FSTL4: variants seen among roughly 807,000 people sequenced by gnomAD.
FSTL4 encodes the protein follistatin-related protein 4.
In FSTL4, 28 loss-of-function variants were observed where a neutral mutation model predicts 78.2. The observed-to-expected ratio is 0.36, with a 90% CI of 0.27 to 0.49. FSTL4 has a LOEUF of 0.49. Among genes scored for constraint, FSTL4 ranks in the 20% least tolerant of loss-of-function variants. The pLI is 0.98. For missense variants in FSTL4, 922 were observed against 1,084.9 expected (o/e 0.85, Z 2.11); for synonymous variants, 422 against 440.5 (o/e 0.96, Z 0.53).
chr5:133,205,544 G>T (rs900174160), intron 14 of FSTL4, among the ~76,000 whole-genome samples: 3 of 152,126 alleles, frequency 2.0e-5, no homozygotes, highest in African/African-American at 7.2e-5. Context: ...AGTCATTCCT[G>T]TAACCAAAAC....
Position 133,220,730 on chromosome 5 carries a change from C to T in FSTL4, c.1458+18G>A, listed in dbSNP as rs1240260911. The T allele has an allele frequency of 2.4e-6, 3 of 1,258,538 alleles. No individual in the cohort carries two copies. In the Admixed American group the frequency reaches 5.0e-5, roughly 21 times the overall value. 78.0% of individuals were successfully genotyped at this position (1,258,538 alleles called of 1,614,324 possible). ...GCCTGTGTATGATGTAGAAGCTGCC[C>T]CAGGCACAGTTACTTACATAGCTCA... is the stretch of plus-strand genomic sequence containing the variant. On this transcript the variant is annotated intron_variant, in intron 12 of 15. Coordinates refer to ENST00000265342, the MANE Select transcript of FSTL4 (RefSeq NM_015082.2).
At chr5:133,455,037 A>G (rs1462481929) in intron 3 of FSTL4, among the ~76,000 whole-genome samples, 1 of 152,244 alleles carries the variant, frequency 6.6e-6, no homozygotes, top group African/African-American at 2.4e-5. Context: ...CCCTCACTCA[A>G]CATGGGTTGG....
intron 4 of FSTL4, 100 bp downstream of exon 4, chr5:133,400,638 A>G: frequency 2.8e-6 from 3 of 1,083,386 alleles, no homozygotes; most frequent in South Asian, 1.5e-5. Context: ...TTTCCTAAAC[A>G]TATGTAACTT....
chr5:133,839,330 G>A, the FSTL4 span, among the ~76,000 whole-genome samples: 3 of 152,212 alleles, frequency 2.0e-5, no homozygotes, highest in South Asian at 4.1e-4. Context: ...GATGAGTACT[G>A]CACAAAGAAT....
chr5:133,527,472 TACACACACAC>T (rs3065527), intron 3 of FSTL4, among the ~76,000 whole-genome samples: 8 of 90,572 alleles, frequency 8.8e-5, no homozygotes, highest in Non-Finnish European at 1.8e-4. Context: ...TGTGCACGTG[TACACACACAC>T]ACACACACAC....
intron 3 of FSTL4, among the ~76,000 whole-genome samples, chr5:133,403,676 G>T (rs1163598310): frequency 6.6e-6 from 1 of 152,210 alleles, no homozygotes; most frequent in Non-Finnish European, 1.5e-5. Context: ...GGAAGTGGAA[G>T]GATGGAGGTA....
the FSTL4 span, among the ~76,000 whole-genome samples, chr5:133,628,631 G>A: frequency 6.6e-6 from 1 of 152,016 alleles, no homozygotes; most frequent in African/African-American, 2.4e-5. Context: ...AAGTGCTGGG[G>A]TTATAGGTGT....
At chr5:133,468,509 C>T (rs367546200) in intron 3 of FSTL4, among the ~76,000 whole-genome samples, 9 of 152,204 alleles carry the variant, frequency 5.9e-5, no homozygotes, top group East Asian at 5.8e-4. Flanking sequence ...AAGGCCGACT[C>T]GAAGTTTCTC....
intron 3 of FSTL4, among the ~76,000 whole-genome samples, chr5:133,412,565 G>T (rs756411512): frequency 6.6e-6 from 1 of 152,016 alleles, no homozygotes. Flanking sequence ...AGACAGAAAA[G>T]AACACTTATC....
chr5:133,238,632 T>C (rs1751732988), intron 7 of FSTL4, among the ~76,000 whole-genome samples: 1 of 152,112 alleles, frequency 6.6e-6, no homozygotes, highest in Non-Finnish European at 1.5e-5. Flanking sequence ...ATGCAGTACA[T>C]GCGAGTGTGC....
the FSTL4 span, among the ~76,000 whole-genome samples, chr5:133,678,597 T>C: frequency 1.3e-5 from 2 of 151,190 alleles, no homozygotes; most frequent in East Asian, 3.9e-4. Context: ...AAATCAAGAG[T>C]CCAGTTTTGG....
chr5:133,564,780 G>A (rs940840224), intron 3 of FSTL4, among the ~76,000 whole-genome samples: 1 of 152,148 alleles, frequency 6.6e-6, no homozygotes, highest in African/African-American at 2.4e-5. Flanking sequence ...GGGGAAGAGG[G>A]GGAAATAGGG....
At chr5:133,215,436 TACTTG>T (rs1327416893) in intron 13 of FSTL4, among the ~76,000 whole-genome samples, 1 of 152,216 alleles carries the variant, frequency 6.6e-6, no homozygotes, top group Non-Finnish European at 1.5e-5. Flanking sequence ...TCTAACTGCT[TACTTG>T]ACTTCTCTAC....
chr5:133,336,652 T>A (rs1454607938), intron 4 of FSTL4, among the ~76,000 whole-genome samples: 1 of 152,152 alleles, frequency 6.6e-6, no homozygotes, highest in Non-Finnish European at 1.5e-5. Flanking sequence ...CCCCACATCT[T>A]CTTCAACACA....
intron 3 of FSTL4, among the ~76,000 whole-genome samples, chr5:133,538,455 CT>C (rs1759397471): frequency 6.6e-6 from 1 of 152,100 alleles, no homozygotes; most frequent in Non-Finnish European, 1.5e-5. Flanking sequence ...TTATATCCAC[CT>C]TTTGTAATTA....
chr5:133,668,260 C>A, the FSTL4 span, among the ~76,000 whole-genome samples: 1 of 152,150 alleles, frequency 6.6e-6, no homozygotes, highest in African/African-American at 2.4e-5. Context: ...GAAGACCACC[C>A]ATCCTGCAGG....
intron 7 of FSTL4, among the ~76,000 whole-genome samples, chr5:133,240,174 C>A (rs752720007): frequency 6.6e-6 from 1 of 152,282 alleles, no homozygotes; most frequent in East Asian, 1.9e-4. Flanking sequence ...AAACTCCAAA[C>A]GCATCCGAGC....
the FSTL4 span, among the ~76,000 whole-genome samples, chr5:133,754,808 A>G: frequency 6.6e-6 from 1 of 152,116 alleles, no homozygotes; most frequent in Non-Finnish European, 1.5e-5. Flanking sequence ...ATTCTGCTCT[A>G]ACTCTAGAGC....
chr5:133,701,509 A>ACACACACACACACACACACACC, the FSTL4 span, among the ~76,000 whole-genome samples: 45 of 132,688 alleles, frequency 3.4e-4, no homozygotes, highest in South Asian at 2.8e-3. Flanking sequence ...ACACACACAC[A>ACACACACACACACACACACACC]CCCCACAGGC....
Sources: gnomAD v4.1 joint callset for allele counts (sites outside exome capture counted in the v4.1 genomes callset) on GRCh38, gnomAD v4.1.1 for gene constraint, MANE v1.5 for transcripts, NCBI Gene and HGNC (gene_info 2026-07-23, HGNC 2026-07-21) for gene names.